Variants in SPATA13 observed in about 807,000 individuals in gnomAD.
SPATA13 encodes spermatogenesis-associated protein 13.
SPATA13 carries 50 observed loss-of-function variants against 104.0 expected under a neutral mutation model. The observed-to-expected ratio is 0.48, with a 90% confidence interval of 0.38 to 0.61. The LOEUF (loss-of-function observed/expected upper bound fraction) is 0.61, where lower values mean the gene tolerates loss of function less well. SPATA13 is among the 20% of genes least tolerant of loss of function. The probability of loss-of-function intolerance (pLI) is 0.00; values close to 1 mark genes in which losing one functional copy is unlikely to be tolerated. For missense variants in SPATA13, 1,524 were observed against 1,690.6 expected (o/e 0.90, Z 1.73); for synonymous variants, 606 against 667.5 (o/e 0.91, Z 1.42).
chr13:24,203,860 C>A (rs1340166002), intron 1 of SPATA13, among the ~76,000 whole-genome samples: 1 of 152,158 alleles, frequency 6.6e-6, no homozygotes, highest in African/African-American at 2.4e-5. Flanking sequence ...AATGTTTCAA[C>A]AAATATTTAA....
Position 24,223,035 on chromosome 13 carries a change from C to G in SPATA13, c.106C>G (p.Leu36Val). 1 of 1,551,720 alleles carries G rather than the reference C, an allele frequency of 6.4e-7. No individual in the cohort carries two copies. The highest frequency in any genetic ancestry group is 1.4e-5 in the African/African-American group (1 of 73,184). The change falls in exon 2 of 13, where the codon CTG (leucine) becomes GTG (valine). Residue 36 changes from leucine to valine, a missense_variant. Leu to Val is a conservative substitution (Grantham distance 32). Transcript: ENST00000382108. The part of the protein sequence containing the change: ...GPAAPCAGSD[L>V]KDAKMVTSLA... The stretch of plus-strand genomic sequence containing the variant: ...CGCAGCCCCCTGTGCAGGCTCGGAC[C>G]TGAAAGACGCCAAGATGGTGACCTC...
intron 4 of SPATA13, among the ~76,000 whole-genome samples, chr13:24,256,795 T>G (rs1240138339): frequency 1.3e-5 from 2 of 152,228 alleles, no homozygotes; most frequent in African/African-American, 4.8e-5. Context: ...TTTGGGATAA[T>G]AGAGTTGGGA....
chr13:24,193,464 G>C (rs941226117), intron 1 of SPATA13, among the ~76,000 whole-genome samples: 3 of 152,190 alleles, frequency 2.0e-5, no homozygotes, highest in Admixed American at 2.0e-4. Context: ...TGAGGCCTGC[G>C]GGGGGTGCTC....
Position 24,251,779 on chromosome 13 carries a change from G to C in SPATA13, c.2081G>C (p.Arg694Pro), listed in dbSNP as rs147629761. 12 of 1,614,172 alleles carry C rather than the reference G, an allele frequency of 7.4e-6. No individual in the cohort carries two copies. In the African/African-American group the frequency reaches 1.5e-4, roughly 20 times the overall value. The change falls in exon 4 of 13, where the codon CGG (arginine) becomes CCG (proline). Residue 694 changes from arginine (R) to proline (P), a missense_variant. Physicochemically the swap from Arg to Pro is moderately radical, Grantham distance 103. Around this residue, in one of 2 missense-constraint regions of SPATA13, gnomAD observed 1,089 missense variants for 1,135.9 expected, o/e 0.96. Transcript: ENST00000382108. ...QVPPYKAVSA[R>P]FRPFTFSQST... is the part of the protein sequence containing the mutation. ...CCACCCTACAAGGCTGTGTCGGCCC[G>C]GTTCCGGCCCTTCACATTCTCCCAG...
At chr13:23,985,035 C>T (rs1426919190) in intron 2 of SPATA13, among the ~76,000 whole-genome samples, 4 of 152,216 alleles carry the variant, frequency 2.6e-5, no homozygotes, top group Non-Finnish European at 5.9e-5. Context: ...ATGCTCACCT[C>T]AGACGCACCC....
chr13:24,067,819 C>T (rs1879019047), intron 3 of SPATA13, among the ~76,000 whole-genome samples: 1 of 152,144 alleles, frequency 6.6e-6, no homozygotes, highest in Admixed American at 6.5e-5. Context: ...ATTCTCCTGC[C>T]TCAGCCTCCC....
intron 3 of SPATA13, among the ~76,000 whole-genome samples, chr13:24,065,072 T>C (rs1000620271): frequency 1.3e-5 from 2 of 152,202 alleles, no homozygotes; most frequent in African/African-American, 4.8e-5. Context: ...CTTTACAACA[T>C]TTATAGTCTC....
chr13:24,072,766 C>T (rs1400021320), intron 3 of SPATA13, among the ~76,000 whole-genome samples: 1 of 150,252 alleles, frequency 6.7e-6, no homozygotes, highest in African/African-American at 2.4e-5. Context: ...CCCTCGGCAT[C>T]GCTTTTTCCT....
chr13:24,057,571 G>A (rs1878610571), intron 3 of SPATA13, among the ~76,000 whole-genome samples: 1 of 146,590 alleles, frequency 6.8e-6, no homozygotes. Context: ...TGCAGGGCTG[G>A]GAATTTGATT....
At chr13:24,055,046 A>G (rs763594395) in intron 3 of SPATA13, among the ~76,000 whole-genome samples, 2 of 152,248 alleles carry the variant, frequency 1.3e-5, no homozygotes, top group Non-Finnish European at 2.9e-5. Flanking sequence ...TTATATGCCA[A>G]TGTTGTGCCC....
chr13:24,214,400 G>T (rs1871179550), intron 1 of SPATA13, among the ~76,000 whole-genome samples: 1 of 152,156 alleles, frequency 6.6e-6, no homozygotes, highest in African/African-American at 2.4e-5. Context: ...TACCAAGAAA[G>T]GTGTCACGCC....
At chr13:24,208,919 A>G (rs1245463713) in intron 1 of SPATA13, among the ~76,000 whole-genome samples, 2 of 152,240 alleles carry the variant, frequency 1.3e-5, no homozygotes, top group Admixed American at 1.3e-4. Flanking sequence ...GTTTTCCTTT[A>G]TAATCTGAAT....
intron 4 of SPATA13, among the ~76,000 whole-genome samples, chr13:24,269,741 ATTTT>A (rs71070673): frequency 5.3e-5 from 4 of 75,930 alleles, no homozygotes; most frequent in African/African-American, 2.3e-4. Flanking sequence ...GCTAATATAA[ATTTT>A]TTTTTTTTTT....
At position 24,251,754 on chromosome 13, in the gene SPATA13, C is replaced by T; in HGVS notation, c.2056C>T (p.Pro686Ser). The T allele has an allele frequency of 2.5e-6, 4 of 1,614,188 alleles. No homozygotes were observed. Among genetic ancestry groups the T allele is most frequent in the Middle Eastern group, 1.7e-4 (1 of 6,060 alleles). ...GCCGCCCATGCCTGCTCACCAGGTG[C>T]CACCCTACAAGGCTGTGTCGGCCCG... ...SRPPMPAHQV[P>S]PYKAVSARFR... Residue 686 changes from proline (P) to serine (S), a missense_variant, in exon 4 of 13, where the codon CCA becomes TCA. Physicochemically the swap from Pro to Ser is moderately conservative, Grantham distance 74 (BLOSUM62 -1). This residue lies in a region of SPATA13 where 1,089 missense variants were observed against 1,135.9 expected (regional missense o/e 0.96). Transcript: ENST00000382108.
At chr13:24,167,337 C>T (rs1882781723) in intron 1 of SPATA13, among the ~76,000 whole-genome samples, 1 of 152,156 alleles carries the variant, frequency 6.6e-6, no homozygotes. Flanking sequence ...TGGACATGGT[C>T]GTGGTCCTCT....
At chr13:24,151,259 G>C (rs1006240394) in intron 3 of SPATA13, among the ~76,000 whole-genome samples, 1 of 152,210 alleles carries the variant, frequency 6.6e-6, no homozygotes, top group African/African-American at 2.4e-5. Flanking sequence ...TCAGGACTTT[G>C]AAAGACAGGC....
intron 1 of SPATA13, among the ~76,000 whole-genome samples, chr13:24,179,196 G>A (rs1313823284): frequency 6.6e-6 from 1 of 152,144 alleles, no homozygotes; most frequent in African/African-American, 2.4e-5. Context: ...CATTTGGGTT[G>A]TTTGTACTTT....
chr13:24,103,758 G>C (rs1374892059), intron 3 of SPATA13, among the ~76,000 whole-genome samples: 2 of 152,074 alleles, frequency 1.3e-5, no homozygotes, highest in East Asian at 1.9e-4. Flanking sequence ...AAGGATAAGA[G>C]GGTAGTGAGA....
At chr13:24,248,588 A>G (rs1873295202) in intron 2 of SPATA13, among the ~76,000 whole-genome samples, 1 of 152,160 alleles carries the variant, frequency 6.6e-6, no homozygotes, top group Non-Finnish European at 1.5e-5. Context: ...AGCTCACACC[A>G]CTAGTGAGTA....
Sources: gnomAD v4.1 joint callset for allele counts (sites outside exome capture counted in the v4.1 genomes callset) on GRCh38, gnomAD v4.1.1 for gene constraint, gnomAD v4.1.1 regional missense constraint, MANE v1.5 for transcripts, NCBI Gene and HGNC (gene_info 2026-07-23, HGNC 2026-07-21) for gene names.